Variants in SEMA4F observed in about 807,000 individuals in gnomAD.
SEMA4F encodes the protein ssemaphorin 4F.
In SEMA4F, 51 loss-of-function variants were observed where a neutral mutation model predicts 78.4. The observed-to-expected ratio is 0.65, with a 90% CI of 0.52 to 0.82. The LOEUF (loss-of-function observed/expected upper bound fraction) is 0.82. Ranked by LOEUF, SEMA4F falls within the 40% of genes least tolerant of loss-of-function variation. The pLI is 0.00. For missense variants in SEMA4F, 938 were observed against 1,014.4 expected (o/e 0.92, Z 1.02); for synonymous variants, 418 against 408.7 (o/e 1.02, Z -0.27).
chr2:74,669,048 C>T (rs1298120837), intron 5 of SEMA4F, among the ~76,000 whole-genome samples: 2 of 151,868 alleles, frequency 1.3e-5, no homozygotes, highest in Non-Finnish European at 2.9e-5. Flanking sequence ...ATTGCTTTAG[C>T]CCAGGAGTTC....
chr2:74,673,198 G>C (rs1390916501), intron 5 of SEMA4F, among the ~76,000 whole-genome samples: 1 of 152,072 alleles, frequency 6.6e-6, no homozygotes, highest in Non-Finnish European at 1.5e-5. Context: ...TTTTTATGAG[G>C]GATGCCTTTA....
intron 5 of SEMA4F, among the ~76,000 whole-genome samples, chr2:74,669,197 ACCT>A (rs1684850535): frequency 6.6e-6 from 1 of 152,102 alleles, no homozygotes; most frequent in Admixed American, 6.5e-5. Context: ...GGTCCCAGCT[ACCT>A]GGGAGGCTGA....
At chr2:74,657,785 C>A in intron 3 of SEMA4F, 68 bp from the exon 4 acceptor site, 2 of 1,475,422 alleles carry the variant, frequency 1.4e-6, no homozygotes, top group Non-Finnish European at 1.9e-6. Context: ...ATCTAACTGT[C>A]CTGACGTTAC....
rs188778695 is a variant in SEMA4F at position 74,683,408 on chromosome 2, A to G, written c.*3199A>G. ...TACGTAAGCTCCAATTCCTTCCTCC[A>G]TAAGAAGAGAGAAGGCAGAAGTGGC... is the stretch of plus-strand genomic sequence containing the variant. On this transcript the variant is annotated 3_prime_UTR_variant, in exon 14 of 14. Coordinates refer to ENST00000357877, the MANE Select transcript of SEMA4F (RefSeq NM_004263.5). 6.6e-6 allele frequency: 1 copy of G among 152,274 alleles called. No homozygotes were observed. The highest frequency in any genetic ancestry group is 2.4e-5 in the African/African-American group (1 of 41,472). 9.4% of individuals were successfully genotyped at this position (152,274 alleles called of 1,614,324 possible).
chr2:74,674,541 C>T lies in SEMA4F; in HGVS notation c.866C>T (p.Thr289Met), dbSNP rs751185275. The T allele has an allele frequency of 2.1e-5, 34 of 1,613,898 alleles. No individual in the cohort carries two copies. Among genetic ancestry groups the T allele is most frequent in the East Asian group, 1.1e-4 (5 of 44,878 alleles). The change falls in exon 8 of 14, where the codon ACG (threonine) becomes ATG (methionine). Residue 289 changes from threonine (T) to methionine (M), a missense_variant. Transcript: ENST00000357877. ...AAGACCCTCCAGCAGAGATGGACGA[C>T]GTTTTTGAAAGCTGACCTGCTCTGT... ...GRKTLQQRWT[T>M]FLKADLLCPG...
In SEMA4F at chr2:74,679,886, G is replaced by C. The variant is rs368801197; in HGVS notation, c.1990G>C (p.Ala664Pro). 19 of 1,614,094 alleles carry C rather than the reference G, an allele frequency of 1.2e-5. No homozygotes were observed. The highest frequency in any genetic ancestry group is 1.5e-5 in the Non-Finnish European group (18 of 1,180,054). The change falls in exon 14 of 14, where the codon GCT becomes CCT. Residue 664 changes from alanine to proline, a missense_variant. By Grantham distance (27) the Ala-to-Pro change is conservative. Transcript: ENST00000357877. ...GGCCCACACAGTGGGGGCGGGACTG[G>C]CTGGCTTCTTCTTGGGGATTCTCGC... ...SRAHTVGAGLAGFFLGILAAS... is the reference protein window; with the variant it reads ...SRAHTVGAGLPGFFLGILAAS...
At chr2:74,692,766 G>C in the SEMA4F span, among the ~76,000 whole-genome samples, 13 of 152,238 alleles carry the variant, frequency 8.5e-5, no homozygotes, top group Admixed American at 1.3e-4. Context: ...ACCAGGCAGA[G>C]CAGACCAGCT....
intron 12 of SEMA4F, among the ~76,000 whole-genome samples, 188 bp downstream of exon 12, chr2:74,676,097 A>G (rs975001636): frequency 6.6e-6 from 1 of 152,094 alleles, no homozygotes; most frequent in Non-Finnish European, 1.5e-5. Context: ...ATCTAGTGCT[A>G]CCTCATCAAT....
chr2:74,696,561 A>G, the SEMA4F span, among the ~76,000 whole-genome samples: 1 of 152,082 alleles, frequency 6.6e-6, no homozygotes, highest in Non-Finnish European at 1.5e-5. Flanking sequence ...ACAATCAAAT[A>G]TAAAAATGTG....
the SEMA4F span, among the ~76,000 whole-genome samples, chr2:74,693,810 T>C: frequency 0.014 from 2,167 of 152,336 alleles, 31 homozygotes; most frequent in Middle Eastern, 0.02. Context: ...TTTTTATTGC[T>C]ACAGTGTTCC....
chr2:74,654,297 G>C lies in SEMA4F; in HGVS notation c.-80G>C. Reference sequence around the variant, plus strand: ...GCCGGACCGAGCCGAGAGGACCCGAGTGGGGCCGAGGCCAGTAGCCCCGGG... The same window carrying C: ...GCCGGACCGAGCCGAGAGGACCCGACTGGGGCCGAGGCCAGTAGCCCCGGG... On this transcript the variant is annotated 5_prime_UTR_variant, in exon 1 of 14. Coordinates refer to ENST00000357877, the MANE Select transcript of SEMA4F (RefSeq NM_004263.5). The C allele has an allele frequency of 7.3e-7, 1 of 1,361,730 alleles. No homozygotes were observed. The highest frequency in any genetic ancestry group is 3.1e-5 in the East Asian group (1 of 32,310). The allele number at this position is 1,361,730 out of a possible 1,614,324, so 84.4% of individuals were successfully genotyped here.
At chr2:74,703,948 G>A in the SEMA4F span, among the ~76,000 whole-genome samples, 5 of 152,134 alleles carry the variant, frequency 3.3e-5, no homozygotes, top group African/African-American at 1.2e-4. Context: ...ACACAGACAC[G>A]AACCTTGGGG....
Position 74,662,789 on chromosome 2 carries a change from T to A in SEMA4F, c.514T>A (p.Phe172Ile). ...TGAGAGTGGCCGGGGGAAATGTCCT[T>A]TTGAGCCAGCTCAGCGGTCAGCAGC... ...RLESGRGKCPFEPAQRSAAVM... is the reference protein window; with the variant it reads ...RLESGRGKCPIEPAQRSAAVM... Residue 172 changes from phenylalanine to isoleucine, a missense_variant, in exon 5 of 14, where the codon TTT becomes ATT. Physicochemically the swap from Phe to Ile is conservative, Grantham distance 21 (BLOSUM62 0). Transcript: ENST00000357877. 6.2e-7 allele frequency: 1 copy of A among 1,614,158 alleles called. No homozygotes were observed. The highest frequency in any genetic ancestry group is 8.5e-7 in the Non-Finnish European group (1 of 1,180,006).
rs760719540 is a variant in SEMA4F, at chr2:74,679,777, C to T, written c.1881C>T (p.Ala627=). 32 of 1,614,062 alleles carry T rather than the reference C, an allele frequency of 2.0e-5. No homozygotes were observed. The highest frequency in any genetic ancestry group is 2.2e-5 in the East Asian group (1 of 44,886). Residue 627 remains alanine, a synonymous_variant, in exon 14 of 14, where the codon GCC becomes GCT. Coordinates refer to ENST00000357877, the MANE Select transcript of SEMA4F (RefSeq NM_004263.5). ...VVTPGAMGAY[A]CECQEGGAAH... ...CCCCAGGGGCCATGGGCGCTTATGCCTGTGAATGTCAGGAGGGTGGGGCAG... is the reference window on the plus strand; with the variant it reads ...CCCCAGGGGCCATGGGCGCTTATGCTTGTGAATGTCAGGAGGGTGGGGCAG...
At position 74,675,849 on chromosome 2, in the gene SEMA4F, C is replaced by T. The variant is rs975178552; in HGVS notation, c.1583C>T (p.Pro528Leu). 2 of 1,614,258 alleles carry T rather than the reference C, an allele frequency of 1.2e-6. No homozygotes were observed. The highest frequency in any genetic ancestry group is 1.7e-5 in the Admixed American group (1 of 60,038). ...TCAGAGTGCATCCTGGCCCAGGACC[C>T]AGTCTGTGCCTGGAGCTTCCGGCTG... ...SCSECILAQD[P>L]VCAWSFRLDE... The change falls in exon 12 of 14, where the codon CCA becomes CTA. Residue 528 changes from proline (P) to leucine (L), a missense_variant. Transcript: ENST00000357877.
chr2:74,656,521 C>T lies in SEMA4F; in HGVS notation c.146-13C>T. On this transcript the variant is annotated splice_polypyrimidine_tract_variant and intron_variant, in intron 1 of 13. Transcript: ENST00000357877. ...AAGCGATGGCTAACATCACTCTCCT[C>T]TCTTCCTGCCAGAGGCTGACTCCTG... 6.2e-7 allele frequency: 1 copy of T among 1,611,538 alleles called. No homozygotes were observed. Among genetic ancestry groups the T allele is most frequent in the Non-Finnish European group, 8.5e-7 (1 of 1,177,946 alleles).
At chr2:74,668,554 A>G (rs1472838743) in intron 5 of SEMA4F, among the ~76,000 whole-genome samples, 5 of 152,010 alleles carry the variant, frequency 3.3e-5, no homozygotes, top group Non-Finnish European at 2.9e-5. Flanking sequence ...AAAATATCTG[A>G]CTATGAGAAG....
intron 5 of SEMA4F, among the ~76,000 whole-genome samples, chr2:74,665,040 T>TTTTTCTTTCC (rs1684616244): frequency 6.6e-6 from 1 of 152,126 alleles, no homozygotes; most frequent in African/African-American, 2.4e-5. Flanking sequence ...TCATACTGTT[T>TTTTTCTTTCC]TTTTCTTTCC....
At chr2:74,707,790 A>T in the SEMA4F span, among the ~76,000 whole-genome samples, 4 of 152,258 alleles carry the variant, frequency 2.6e-5, no homozygotes, top group South Asian at 8.3e-4. Context: ...CTCTGAGTTG[A>T]GGAAACAGAG....
Sources: allele counts gnomAD v4.1 joint callset (sites outside exome capture counted in the v4.1 genomes callset), GRCh38; gene constraint gnomAD v4.1.1; transcripts MANE v1.5; gene names NCBI Gene and HGNC (gene_info 2026-07-23, HGNC 2026-07-21).